PADI1: variants seen among roughly 807,000 people sequenced by gnomAD.
PADI1 encodes protein-arginine deiminase type-1.
In PADI1, 65 loss-of-function variants were observed where a neutral mutation model predicts 74.8. The observed-to-expected ratio is 0.87, with a 90% CI of 0.71 to 1.07. The LOEUF is 1.07. Among genes scored for constraint, PADI1 ranks in the 50% least tolerant of loss-of-function variants. The probability of loss-of-function intolerance (pLI) is 0.00; values close to 1 mark genes in which losing one functional copy is unlikely to be tolerated. For missense variants in PADI1, 943 were observed against 854.0 expected (o/e 1.10, Z -1.30); for synonymous variants, 371 against 336.2 (o/e 1.10, Z -1.13).
chr1:17,223,535 G>A, intron 2 of PADI1, 86 bp from the exon 3 acceptor site: 3 of 1,094,912 alleles, frequency 2.7e-6, no homozygotes, highest in Non-Finnish European at 4.2e-6. Context: ...CCTCTAAGTA[G>A]GGCTGTCAGG....
chr1:17,238,534 C>A lies in PADI1; in HGVS notation c.1459-82C>A, dbSNP rs2072702836. The stretch of plus-strand genomic sequence containing the variant: ...GAGGGGAGTCCCAAGAACTGTCAGG[C>A]CCCTCCTGAGTCCTGAGTCTGGGGT... On this transcript the variant is annotated intron_variant, in intron 12 of 15. Transcript: ENST00000375471. The A allele has an allele frequency of 4.9e-6, 3 of 615,896 alleles. No individual in the cohort carries two copies. In the South Asian group the frequency reaches 1.2e-4, roughly 24 times the overall value. 38.2% of individuals were successfully genotyped at this position (615,896 alleles called of 1,614,324 possible). A position where few individuals can be genotyped will look rare whatever the true frequency, so the allele number is the denominator to read the frequency against.
chr1:17,243,967 C>G, intron 15 of PADI1, 43 bp from the exon 16 acceptor site: 1 of 1,423,120 alleles, frequency 7.0e-7, no homozygotes, highest in South Asian at 1.2e-5. Flanking sequence ...AAGCACAGCA[C>G]TTATAGCCAG....
chr1:17,232,985 C>A lies in PADI1; in HGVS notation c.1313+15C>A. On this transcript the variant is annotated intron_variant, in intron 11 of 15. Transcript: ENST00000375471. The stretch of plus-strand genomic sequence containing the variant: ...AGCTTCCCCAAGTGAGGGGCTGGGG[C>A]GGGAGGTGGGGAGGCACAAGGGAAT... The A allele has an allele frequency of 1.3e-6, 2 of 1,586,588 alleles. No individual in the cohort carries two copies. Among genetic ancestry groups the A allele is most frequent in the Non-Finnish European group, 8.6e-7 (1 of 1,168,072 alleles).
At chr1:17,240,605 C>T (rs528133331) in intron 14 of PADI1, 30 bp from the exon 15 acceptor site, 1 of 1,437,704 alleles carries the variant, frequency 7.0e-7, no homozygotes, top group Non-Finnish European at 9.6e-7. Flanking sequence ...TCTTCCTAGT[C>T]CTGGGCTGCC....
At chr1:17,223,763 T>C in intron 3 of PADI1, 70 bp downstream of exon 3, 1 of 1,277,020 alleles carries the variant, frequency 7.8e-7, no homozygotes, top group Non-Finnish European at 1.1e-6. Context: ...AGGGTCTTAG[T>C]GGATTCCTTG....
chr1:17,238,036 ATTTTGTTTGTT>A (rs1214643615), intron 12 of PADI1, among the ~76,000 whole-genome samples: 2 of 152,034 alleles, frequency 1.3e-5, no homozygotes, highest in Non-Finnish European at 1.5e-5. Context: ...TGAATTGGGT[ATTTTGTTTGTT>A]TTTTGTTTGT....
chr1:17,226,232 T>C, intron 6 of PADI1, 74 bp downstream of exon 6: 3 of 1,522,852 alleles, frequency 2.0e-6, no homozygotes, highest in Non-Finnish European at 2.7e-6. Flanking sequence ...CTCTCTCTCT[T>C]TTTTTCCATC....
intron 15 of PADI1, among the ~76,000 whole-genome samples, chr1:17,241,391 G>A (rs2072773671): frequency 6.6e-6 from 1 of 152,282 alleles, no homozygotes; most frequent in Admixed American, 6.5e-5. Context: ...CCGGGATGGG[G>A]ATAGACCCTC....
At position 17,230,231 on chromosome 1, in the gene PADI1, G is replaced by T. The variant is rs536624096; in HGVS notation, c.1053+23G>T. 3.1e-6 allele frequency: 5 copies of T among 1,607,772 alleles called. No individual in the cohort carries two copies. Among genetic ancestry groups the T allele is most frequent in the Non-Finnish European group, 3.4e-6 (4 of 1,177,198 alleles). ...CAGGTGGGAGCTGGGGGCAGCTCGG[G>T]AAGCCTGCAGCCTGGCTTGGGGAAA... On this transcript the variant is annotated intron_variant, in intron 9 of 15. Transcript: ENST00000375471.
chr1:17,232,802 C>CCATA lies in PADI1; in HGVS notation c.1162-17_1162-16insCATA, dbSNP rs1557475800. 1.9e-6 allele frequency: 3 copies of CCATA among 1,602,634 alleles called. No individual in the cohort carries two copies. The South Asian group carries it at 3.3e-5, about 18-fold the overall frequency. On this transcript the variant is annotated splice_polypyrimidine_tract_variant and intron_variant, in intron 10 of 15. Coordinates refer to ENST00000375471, the MANE Select transcript of PADI1 (RefSeq NM_013358.3). ...CCTCTCCTTCTTGGGGTGGGGGTCTCGCTGGTTCTTCCATAGGGTCCTGAC... is the reference window on the plus strand; with the variant it reads ...CCTCTCCTTCTTGGGGTGGGGGTCTCCATAGCTGGTTCTTCCATAGGGTCCTGAC...
At chr1:17,227,144 C>T (rs2072338760) in intron 6 of PADI1, among the ~76,000 whole-genome samples, 1 of 150,948 alleles carries the variant, frequency 6.6e-6, no homozygotes, top group Non-Finnish European at 1.5e-5. Context: ...TTGCAGTGAA[C>T]CAAGATCATG....
intron 1 of PADI1, among the ~76,000 whole-genome samples, chr1:17,208,792 G>A (rs576091279): frequency 6.6e-6 from 1 of 152,338 alleles, no homozygotes; most frequent in Non-Finnish European, 1.5e-5. Flanking sequence ...GGTGGGAAGT[G>A]TGAGGAATCC....
At chr1:17,231,119 T>A (rs1255251905) in intron 10 of PADI1, among the ~76,000 whole-genome samples, 1 of 152,188 alleles carries the variant, frequency 6.6e-6, no homozygotes, top group Admixed American at 6.5e-5. Flanking sequence ...GGCACTGTGC[T>A]ACCTCCTGTG....
At chr1:17,209,686 T>C (rs192183837) in intron 1 of PADI1, among the ~76,000 whole-genome samples, 8 of 152,164 alleles carry the variant, frequency 5.3e-5, no homozygotes, top group African/African-American at 1.9e-4. Context: ...TGAGCCTTCT[T>C]CTCTTCCCTT....
intron 10 of PADI1, among the ~76,000 whole-genome samples, chr1:17,231,499 G>A (rs2100492250): frequency 6.6e-6 from 1 of 152,300 alleles, no homozygotes; most frequent in East Asian, 1.9e-4. Flanking sequence ...GCAGTCTGTG[G>A]GCACACAGAG....
intron 1 of PADI1, among the ~76,000 whole-genome samples, chr1:17,213,530 T>C (rs147325677): frequency 6.6e-4 from 101 of 152,316 alleles, no homozygotes; most frequent in African/African-American, 2.3e-3. Flanking sequence ...CTGTAATCAA[T>C]CTGCTTTCCT....
intron 13 of PADI1, among the ~76,000 whole-genome samples, chr1:17,238,913 G>GC (rs1204307927): frequency 6.6e-6 from 1 of 152,190 alleles, no homozygotes; most frequent in Admixed American, 6.5e-5. Context: ...AGTCATGAGT[G>GC]CCCCAGGTGC....
intron 2 of PADI1, among the ~76,000 whole-genome samples, chr1:17,222,671 T>A (rs2072191251): frequency 6.6e-6 from 1 of 152,192 alleles, no homozygotes; most frequent in African/African-American, 2.4e-5. Flanking sequence ...CACTCCAGTA[T>A]CACACATGTA....
At chr1:17,234,153 C>T (rs1029890318) in intron 11 of PADI1, among the ~76,000 whole-genome samples, 1 of 152,182 alleles carries the variant, frequency 6.6e-6, no homozygotes, top group African/African-American at 2.4e-5. Flanking sequence ...GGGATGAGTC[C>T]CCCAAACCAG....
Sources: allele counts gnomAD v4.1 joint callset (sites outside exome capture counted in the v4.1 genomes callset), GRCh38; gene constraint gnomAD v4.1.1; transcripts MANE v1.5; gene names NCBI Gene and HGNC (gene_info 2026-07-23, HGNC 2026-07-21).